Variants in GRM5 observed in about 807,000 individuals in gnomAD.
GRM5 encodes glutamate metabotropic receptor 5.
Under a neutral mutation model 83.1 loss-of-function variants are expected in GRM5, and 19 were observed. The ratio of observed to expected loss-of-function variants is 0.23; its 90% CI spans 0.16 to 0.34. The LOEUF is 0.34. GRM5 is among the 10% of genes least tolerant of loss of function. The pLI is 1.00. For missense variants in GRM5, 1,160 were observed against 1,588.3 expected (o/e 0.73, Z 4.58); for synonymous variants, 675 against 633.6 (o/e 1.07, Z -0.98).
intron 2 of GRM5, among the ~76,000 whole-genome samples, chr11:89,032,219 T>C (rs1035219115): frequency 5.9e-5 from 9 of 152,074 alleles, no homozygotes; most frequent in Non-Finnish European, 1.2e-4. Flanking sequence ...ATTGATGAAG[T>C]TGAGATTTAC....
At chr11:88,875,974 A>G (rs1944846817) in intron 2 of GRM5, among the ~76,000 whole-genome samples, 2 of 152,078 alleles carry the variant, frequency 1.3e-5, no homozygotes, top group Admixed American at 6.6e-5. Flanking sequence ...ACAATAAAAG[A>G]ACACTGGCTT....
intron 3 of GRM5, among the ~76,000 whole-genome samples, chr11:88,691,045 A>G (rs1940769409): frequency 6.6e-6 from 1 of 152,184 alleles, no homozygotes; most frequent in Non-Finnish European, 1.5e-5. Flanking sequence ...GGTCTTCTGT[A>G]AATAAGTTTC....
At chr11:88,735,370 G>A (rs572291151) in intron 3 of GRM5, among the ~76,000 whole-genome samples, 3 of 152,094 alleles carry the variant, frequency 2.0e-5, no homozygotes, top group African/African-American at 4.8e-5. Context: ...CAGGATAAAC[G>A]TTTTCTGTGC....
intron 2 of GRM5, among the ~76,000 whole-genome samples, chr11:89,035,371 A>G (rs1473663194): frequency 6.6e-6 from 1 of 151,902 alleles, no homozygotes; most frequent in Non-Finnish European, 1.5e-5. Context: ...ATTCAGTAAT[A>G]TATTTTTCAT....
chr11:88,994,445 T>TTTTATATATATA (rs1327520617), intron 2 of GRM5, among the ~76,000 whole-genome samples: 4 of 86,892 alleles, frequency 4.6e-5, no homozygotes, highest in East Asian at 6.8e-4. Context: ...CTTTAACTGA[T>TTTTATATATATA]TATATATATA....
intron 8 of GRM5, among the ~76,000 whole-genome samples, chr11:88,528,065 A>G (rs891294414): frequency 6.6e-6 from 1 of 151,384 alleles, no homozygotes; most frequent in Non-Finnish European, 1.5e-5. Flanking sequence ...AAACCTGCAC[A>G]TATACCCCTG....
At position 88,850,022 on chromosome 11, in the gene GRM5, T is replaced by C; in HGVS notation, c.795A>G (p.Thr265=). ...QSFDKLLKKL[T]SHLPKARVVA... ...CCACCCGGGCCTTGGGCAAGTGACT[T>C]GTGAGCTTCTTCAGCAGCTTATCAA... Residue 265 remains threonine, a synonymous_variant, in exon 3 of 10, where the codon ACA becomes ACG. Transcript: ENST00000305447. 6.2e-7 allele frequency: 1 copy of C among 1,613,262 alleles called. No individual in the cohort carries two copies.
chr11:89,036,876 G>T (rs1941400680), intron 2 of GRM5, among the ~76,000 whole-genome samples: 1 of 152,060 alleles, frequency 6.6e-6, no homozygotes, highest in South Asian at 2.1e-4. Context: ...ACTTTTAAAA[G>T]CACACTCTCA....
intron 2 of GRM5, among the ~76,000 whole-genome samples, chr11:88,906,983 G>A (rs976200708): frequency 3.3e-5 from 5 of 151,808 alleles, no homozygotes; most frequent in East Asian, 1.9e-4. Context: ...CTAGCTATTT[G>A]AAGCAGTTAA....
intron 7 of GRM5, among the ~76,000 whole-genome samples, chr11:88,583,727 C>T (rs1020561056): frequency 6.6e-6 from 1 of 152,102 alleles, no homozygotes; most frequent in Non-Finnish European, 1.5e-5. Context: ...AAAATTCTTT[C>T]TAGGACAGTT....
intron 2 of GRM5, among the ~76,000 whole-genome samples, chr11:88,878,439 G>A (rs1331628789): frequency 1.3e-5 from 2 of 152,116 alleles, no homozygotes; most frequent in Non-Finnish European, 2.9e-5. Flanking sequence ...AATTGTCCAT[G>A]CACACTCCTT....
At chr11:89,062,201 T>C (rs1399953216) in intron 1 of GRM5, among the ~76,000 whole-genome samples, 1 of 152,156 alleles carries the variant, frequency 6.6e-6, no homozygotes, top group African/African-American at 2.4e-5. Context: ...TGTAATTACA[T>C]TGAGGTAACT....
At chr11:89,008,743 G>GA (rs1029096480) in intron 2 of GRM5, among the ~76,000 whole-genome samples, 1 of 151,906 alleles carries the variant, frequency 6.6e-6, no homozygotes, top group Non-Finnish European at 1.5e-5. Flanking sequence ...TCAAACTCAT[G>GA]AAAAAAATGT....
At chr11:88,783,848 T>A (rs1943018855) in intron 3 of GRM5, among the ~76,000 whole-genome samples, 1 of 152,056 alleles carries the variant, frequency 6.6e-6, no homozygotes, top group Non-Finnish European at 1.5e-5. Flanking sequence ...GAGGATTATA[T>A]AGGTTAGTAC....
chr11:88,835,612 T>C (rs1944080342), intron 3 of GRM5, among the ~76,000 whole-genome samples: 1 of 152,076 alleles, frequency 6.6e-6, no homozygotes, highest in Admixed American at 6.5e-5. Flanking sequence ...GATGACACAA[T>C]TACACTTGTT....
chr11:88,834,977 AT>A (rs150158809), intron 3 of GRM5, among the ~76,000 whole-genome samples: 3,874 of 152,044 alleles, frequency 0.025, 171 homozygotes, highest in African/African-American at 0.089. Context: ...TATTACTGCC[AT>A]TTTTCCCCCC....
intron 8 of GRM5, among the ~76,000 whole-genome samples, chr11:88,552,844 C>A (rs986485357): frequency 1.3e-5 from 2 of 152,110 alleles, no homozygotes; most frequent in Non-Finnish European, 2.9e-5. Flanking sequence ...GATACAGTCA[C>A]AGAGCAGTGT....
chr11:88,862,328 T>A (rs12807940), intron 2 of GRM5, among the ~76,000 whole-genome samples: 5,382 of 152,226 alleles, frequency 0.035, 178 homozygotes, highest in African/African-American at 0.092. Context: ...TCCTACATTG[T>A]TTTGTTATAT....
intron 2 of GRM5, among the ~76,000 whole-genome samples, chr11:88,970,482 C>T (rs562987193): frequency 6.6e-6 from 1 of 152,276 alleles, no homozygotes; most frequent in South Asian, 2.1e-4. Context: ...ATCATTTGGC[C>T]TCAAGTAGCT....
Sources: gnomAD v4.1 joint callset for allele counts (sites outside exome capture counted in the v4.1 genomes callset) on GRCh38, gnomAD v4.1.1 for gene constraint, MANE v1.5 for transcripts, NCBI Gene and HGNC (gene_info 2026-07-23, HGNC 2026-07-21) for gene names.